The following ATP2B2 variants were observed in gnomAD, a reference collection of about 807,000 sequenced individuals.
ATP2B2 encodes the protein ATPase plasma membrane Ca2+ transporting 2.
ATP2B2 carries 15 observed loss-of-function variants against 120.0 expected under a neutral mutation model. The ratio of observed to expected loss-of-function variants is 0.12; its 90% CI spans 0.08 to 0.19. ATP2B2 has a LOEUF of 0.19. ATP2B2 is among the 10% of genes least tolerant of loss of function. The probability of loss-of-function intolerance (pLI) is 1.00; values close to 1 mark genes in which losing one functional copy is unlikely to be tolerated. For missense variants in ATP2B2, 1,045 were observed against 1,719.8 expected (o/e 0.61, Z 6.94); for synonymous variants, 694 against 700.3 (o/e 0.99, Z 0.14).
In ATP2B2 at chr3:10,378,300, C is replaced by G. The variant is rs150203000; in HGVS notation, c.1153G>C (p.Val385Leu). Residue 385 changes from valine (V) to leucine (L), a missense_variant, in exon 10 of 23, where the codon GTG becomes CTG. Coordinates refer to ENST00000360273, the MANE Select transcript of ATP2B2 (RefSeq NM_001001331.4). ...KASMHKKEKS[V>L]LQGKLTKLAV... ...AGCTTGGTGAGCTTGCCCTGCAGCA[C>G]GGACTTCTCCTTCTTGTGCATGCTG... The G allele has an allele frequency of 6.2e-7, 1 of 1,609,632 alleles. No individual in the cohort carries two copies.
chr3:10,672,299 G>C (rs978453709), intron 1 of ATP2B2, among the ~76,000 whole-genome samples: 1 of 152,172 alleles, frequency 6.6e-6, no homozygotes, highest in African/African-American at 2.4e-5. Flanking sequence ...TTCAGAAGAG[G>C]CCTTTGGATT....
At chr3:10,642,164 T>C (rs2070191690) in intron 1 of ATP2B2, among the ~76,000 whole-genome samples, 1 of 152,174 alleles carries the variant, frequency 6.6e-6, no homozygotes. Flanking sequence ...CACTTCCAGG[T>C]TGTATAAACT....
At chr3:10,588,793 A>C (rs1288293826) in intron 2 of ATP2B2, among the ~76,000 whole-genome samples, 1 of 152,204 alleles carries the variant, frequency 6.6e-6, no homozygotes, top group Non-Finnish European at 1.5e-5. Flanking sequence ...CAGACGAAGA[A>C]AGTGTGGCTC....
rs895122234 is a variant in ATP2B2, at chr3:10,638,320, C to T, written c.-459-18359G>A. ...AGAAGTATGGTGTTTAAAATACATG[C>T]AAAAGTCAAATGTATGACAATAACA... On this transcript the variant is annotated intron_variant, in intron 1 of 21. Coordinates refer to the ATP2B2 transcript ENST00000646379. Among the ~76,000 whole-genome samples the T allele has an allele frequency of 1.4e-4, 22 of 151,978 alleles. 1 individual carries two copies. The highest frequency in any genetic ancestry group is 4.3e-4 in the African/African-American group (18 of 41,480).
intron 2 of ATP2B2, among the ~76,000 whole-genome samples, chr3:10,426,028 T>C (rs1193307126): frequency 1.3e-5 from 2 of 152,040 alleles, no homozygotes; most frequent in East Asian, 1.9e-4. Context: ...CTTCCCATCA[T>C]TGTGCTCCAG....
chr3:10,533,149 A>G (rs1378153408), intron 3 of ATP2B2, among the ~76,000 whole-genome samples: 1 of 152,186 alleles, frequency 6.6e-6, no homozygotes, highest in East Asian at 1.9e-4. Context: ...AAGCAAGGCA[A>G]ATAGCAGAGG....
chr3:10,362,544 A>T (rs1323560256), intron 12 of ATP2B2, among the ~76,000 whole-genome samples: 1 of 152,222 alleles, frequency 6.6e-6, no homozygotes, highest in Non-Finnish European at 1.5e-5. Context: ...AGCTCAGAGA[A>T]ATATCAACCC....
Position 10,340,530 on chromosome 3 carries a change from A to G in ATP2B2, c.3092T>C (p.Ile1031Thr), listed in dbSNP as rs753250088. The change falls in exon 20 of 23, where the codon ATC becomes ACC. Residue 1031 changes from isoleucine (I) to threonine (T), a missense_variant. Physicochemically the swap from Ile to Thr is moderately conservative, Grantham distance 89. Around this residue, in one of 11 missense-constraint regions of ATP2B2, gnomAD observed 211 missense variants for 385.1 expected, o/e 0.55. Coordinates refer to ENST00000360273, the MANE Select transcript of ATP2B2 (RefSeq NM_001001331.4). The surrounding 1 kb of genome is among the most constrained non-coding windows in gnomAD (Gnocchi z 5.0). ...GGTGCCCAGCACGATGGTGCAGAAG[A>G]TGGGGTTCCGGAAGATGCCGTCAAA... is the stretch of plus-strand genomic sequence containing the variant. Reference protein sequence around the residue: ...NVFDGIFRNPIFCTIVLGTFA... With the variant: ...NVFDGIFRNPTFCTIVLGTFA... The G allele has an allele frequency of 3.1e-6, 5 of 1,614,072 alleles. No individual in the cohort carries two copies. Among genetic ancestry groups the G allele is most frequent in the Non-Finnish European group, 4.2e-6 (5 of 1,180,004 alleles).
At chr3:10,483,502 G>T (rs577211261) in intron 1 of ATP2B2, among the ~76,000 whole-genome samples, 4 of 152,324 alleles carry the variant, frequency 2.6e-5, no homozygotes, top group Admixed American at 2.6e-4. Context: ...CTGGCCCTGA[G>T]TGGCTGGAAT....
chr3:10,399,252 T>C (rs1003183475), intron 5 of ATP2B2, among the ~76,000 whole-genome samples: 1 of 152,236 alleles, frequency 6.6e-6, no homozygotes, highest in African/African-American at 2.4e-5. Flanking sequence ...TGTAACAATT[T>C]ATTGAAATCT....
chr3:10,561,261 C>A (rs1359593628), intron 2 of ATP2B2, among the ~76,000 whole-genome samples: 1 of 152,170 alleles, frequency 6.6e-6, no homozygotes, highest in Non-Finnish European at 1.5e-5. Context: ...CAGTGCTCAA[C>A]TGATTGAATG....
At chr3:10,689,594 G>A (rs909078529) in intron 1 of ATP2B2, among the ~76,000 whole-genome samples, 1 of 152,084 alleles carries the variant, frequency 6.6e-6, no homozygotes, top group Admixed American at 6.5e-5. Flanking sequence ...AACACTGAAA[G>A]AGTAGAAAGG....
intron 2 of ATP2B2, among the ~76,000 whole-genome samples, chr3:10,603,320 A>G (rs1034505737): frequency 1.1e-4 from 16 of 152,238 alleles, no homozygotes; most frequent in African/African-American, 3.9e-4. Context: ...GTTCTCTAAT[A>G]GAATCGTTTC....
chr3:10,339,769 C>G (rs1222338969), intron 21 of ATP2B2, among the ~76,000 whole-genome samples: 1 of 152,134 alleles, frequency 6.6e-6, no homozygotes, highest in Non-Finnish European at 1.5e-5. Flanking sequence ...TTGACGCCAG[C>G]CGGCCACCAG....
At chr3:10,565,917 T>A (rs2068000121) in intron 2 of ATP2B2, among the ~76,000 whole-genome samples, 1 of 152,156 alleles carries the variant, frequency 6.6e-6, no homozygotes, top group African/African-American at 2.4e-5. Flanking sequence ...ACTTCATCCA[T>A]CCATCCTTCC....
rs1047809591 is a variant in ATP2B2 at position 10,358,611 on chromosome 3, G to C, written c.2136+80C>G. On this transcript the variant is annotated intron_variant, in intron 14 of 22. Transcript: ENST00000360273. Reference sequence around the variant, plus strand: ...GGAAACTGAGACTCAAAGAGGTGAAGTGACTTACTCCAGGTCACCCTGGTG... The same window carrying C: ...GGAAACTGAGACTCAAAGAGGTGAACTGACTTACTCCAGGTCACCCTGGTG... 38 of 1,355,354 alleles carry C rather than the reference G, an allele frequency of 2.8e-5. 1 individual carries two copies. In the Middle Eastern group the frequency reaches 7.1e-4, roughly 25 times the overall value. The allele number at this position is 1,355,354 out of a possible 1,614,324, so 84.0% of individuals were successfully genotyped here.
In ATP2B2 at chr3:10,328,745, G is replaced by C; in HGVS notation, c.*69C>G. 1 of 1,500,916 alleles carries C rather than the reference G, an allele frequency of 6.7e-7. No individual in the cohort carries two copies. The highest frequency in any genetic ancestry group is 9.0e-7 in the Non-Finnish European group (1 of 1,107,630). The allele number at this position is 1,500,916 out of a possible 1,614,324, so 93.0% of individuals were successfully genotyped here. A position where few individuals can be genotyped will look rare whatever the true frequency, so the allele number is the denominator to read the frequency against. On this transcript the variant is annotated 3_prime_UTR_variant, in exon 23 of 23. Coordinates refer to ENST00000360273, the MANE Select transcript of ATP2B2 (RefSeq NM_001001331.4). ...CTTGGGTGAGTTGGGTGCCTGGATG[G>C]ATGGGTGCCCGGAAAGCGGGTGGCA... is the stretch of plus-strand genomic sequence containing the variant.
chr3:10,385,251 C>G lies in ATP2B2; in HGVS notation c.1000+17G>C. The G allele has an allele frequency of 6.2e-7, 1 of 1,612,542 alleles. No individual in the cohort carries two copies. The highest frequency in any genetic ancestry group is 8.5e-7 in the Non-Finnish European group (1 of 1,179,394). ...GCCCATCCAACCATGACCAGGAGCT[C>G]GCCGTGGGAGACATACCATTGACTA... is the stretch of plus-strand genomic sequence containing the variant. On this transcript the variant is annotated intron_variant, in intron 8 of 22. Transcript: ENST00000360273.
chr3:10,350,093 G>T lies in ATP2B2; in HGVS notation c.2404+19C>A. On this transcript the variant is annotated intron_variant, in intron 16 of 22. Transcript: ENST00000360273. ...CTGGTGCTGGGCTTCAGGATTGCCC[G>T]TGCCCGCCCAAGTCTTACCTTTAAC... The T allele has an allele frequency of 6.2e-7, 1 of 1,612,926 alleles. No homozygotes were observed. The highest frequency in any genetic ancestry group is 8.5e-7 in the Non-Finnish European group (1 of 1,179,192).
Sources: allele counts gnomAD v4.1 joint callset (sites outside exome capture counted in the v4.1 genomes callset), GRCh38; gene constraint gnomAD v4.1.1; regional missense constraint gnomAD v4.1.1; non-coding constraint Gnocchi (gnomAD v3.1); transcripts MANE v1.5; gene names NCBI Gene and HGNC (gene_info 2026-07-23, HGNC 2026-07-21).